Variants in TACC2 observed in about 807,000 individuals in gnomAD.
TACC2 encodes the protein transforming acidic coiled-coil containing protein 2.
A neutral mutation model predicts 227.3 loss-of-function variants in TACC2; 137 were observed. That is an observed-to-expected ratio of 0.60 (90% CI 0.52 to 0.69). The LOEUF is 0.69. TACC2 is among the 30% of genes least tolerant of loss of function. The probability of loss-of-function intolerance (pLI) is 0.00; values close to 1 mark genes in which losing one functional copy is unlikely to be tolerated. For missense variants in TACC2, 3,470 were observed against 3,694.4 expected (o/e 0.94, Z 1.57); for synonymous variants, 1,523 against 1,487.5 (o/e 1.02, Z -0.55).
intron 1 of TACC2, among the ~76,000 whole-genome samples, chr10:122,012,074 A>G (rs1335698327): frequency 2.0e-5 from 3 of 152,008 alleles, no homozygotes; most frequent in African/African-American, 7.2e-5. Context: ...AGTTTCTGGA[A>G]CTACAGGCAC....
intron 1 of TACC2, among the ~76,000 whole-genome samples, chr10:122,005,012 G>A (rs867961860): frequency 1.5e-4 from 23 of 152,218 alleles, no homozygotes; most frequent in Admixed American, 5.2e-4. Context: ...TTGGTTGGAT[G>A]AAATACATCA....
chr10:122,077,789 C>T (rs914991226), intron 3 of TACC2, among the ~76,000 whole-genome samples: 1 of 152,222 alleles, frequency 6.6e-6, no homozygotes, highest in Non-Finnish European at 1.5e-5. Context: ...TTTGCGTTAC[C>T]GGCTCTTTGA....
chr10:122,068,405 G>A (rs2077622217), intron 3 of TACC2, among the ~76,000 whole-genome samples: 2 of 152,106 alleles, frequency 1.3e-5, no homozygotes, highest in Non-Finnish European at 2.9e-5. Flanking sequence ...TTGGGTTCTG[G>A]ATATTTTCGT....
chr10:122,233,469 C>T (rs962203009), intron 16 of TACC2, among the ~76,000 whole-genome samples: 4 of 152,166 alleles, frequency 2.6e-5, no homozygotes, highest in African/African-American at 7.2e-5. Flanking sequence ...GCCCCCAGCA[C>T]GGTTGAGTGG....
At chr10:122,137,548 G>A (rs938521337) in intron 6 of TACC2, among the ~76,000 whole-genome samples, 9 of 152,144 alleles carry the variant, frequency 5.9e-5, no homozygotes, top group Admixed American at 1.3e-4. Context: ...AGTGAAATGG[G>A]ACACATCCAA....
Position 121,998,035 on chromosome 10 carries a change from G to A in TACC2, c.-46+8547G>A, listed in dbSNP as rs1296670387. ...ACTGACAAGGAAGACTCCTCGGCTG[G>A]GCACGGTGGCTCATGCCTGTAACCC... On this transcript the variant is annotated intron_variant, in intron 1 of 22. Transcript: ENST00000369005. Among the ~76,000 whole-genome samples the A allele has an allele frequency of 2.6e-5, 4 of 152,248 alleles. No homozygotes were observed. The East Asian group carries it at 5.8e-4, about 22-fold the overall frequency.
At chr10:122,208,927 G>C (rs1324748236) in intron 8 of TACC2, among the ~76,000 whole-genome samples, 2 of 152,244 alleles carry the variant, frequency 1.3e-5, no homozygotes, top group African/African-American at 2.4e-5. Context: ...GCCTGGAGCA[G>C]CTGTGACCTC....
rs2094507495 is a variant in TACC2, at chr10:122,194,619, A to T, written c.5835-421A>T. 6.6e-6 allele frequency among the ~76,000 whole-genome samples: 1 copy of T among 152,176 alleles called. No individual in the cohort carries two copies. The highest frequency in any genetic ancestry group is 2.4e-5 in the African/African-American group (1 of 41,452). On this transcript the variant is annotated intron_variant, in intron 7 of 22. Coordinates refer to ENST00000369005, the MANE Select transcript of TACC2 (RefSeq NM_206862.4). The surrounding 1 kb of genome is among the most constrained non-coding windows in gnomAD (Gnocchi z 4.4). ...TAAGTCTATACTCACAAGTTATGAG[A>T]GGCGCTGAGAAGGCAGGACAGTAGA...
chr10:122,202,041 A>G (rs1182676968), intron 8 of TACC2, among the ~76,000 whole-genome samples: 1 of 134,992 alleles, frequency 7.4e-6, no homozygotes, highest in Admixed American at 7.5e-5. Flanking sequence ...TTTAATTCAT[A>G]ATCAGTGTTT....
At position 122,050,538 on chromosome 10, in the gene TACC2, G is replaced by C; in HGVS notation, c.134G>C (p.Arg45Thr). 1 of 1,613,862 alleles carries C rather than the reference G, an allele frequency of 6.2e-7. No individual in the cohort carries two copies. The highest frequency in any genetic ancestry group is 8.5e-7 in the Non-Finnish European group (1 of 1,179,948). ...QQDTPGSPDH[R>T]DASSIGSVGL... ...GACACGCCCGGAAGCCCTGACCACA[G>C]AGACGCGTCCAGGTAGGAGGCCAGC... Residue 45 changes from arginine to threonine, a missense_variant, in exon 3 of 23, where the codon AGA becomes ACA. By Grantham distance (71) the Arg-to-Thr change is moderately conservative (BLOSUM62 -1). Around this residue, in one of 10 missense-constraint regions of TACC2, gnomAD observed 405 missense variants for 389.6 expected, o/e 1.04. Transcript: ENST00000369005. The surrounding 1 kb of genome is among the most constrained non-coding windows in gnomAD (Gnocchi z 4.6).
chr10:122,005,415 C>G (rs75695884), intron 1 of TACC2, among the ~76,000 whole-genome samples: 21,073 of 134,032 alleles, frequency 0.16, 1,884 homozygotes, highest in Admixed American at 0.24. Flanking sequence ...GAGTCTTGCT[C>G]TGTCGCCCAG....
rs1167084166 is a variant in TACC2, at chr10:122,085,948, C to A, written c.3448C>A (p.Pro1150Thr). ...DPGKQQAPEK[P>T]GEATLSCGLL... ...AGGAAAGCAGCAGGCTCCGGAGAAA[C>A]CTGGAGAAGCTACTTTGAGTTGTGG... is the stretch of plus-strand genomic sequence containing the variant. The change falls in exon 4 of 23, where the codon CCT (proline) becomes ACT (threonine). Residue 1150 changes from proline (P) to threonine (T), a missense_variant. Pro to Thr is a conservative substitution (Grantham distance 38). Coordinates refer to ENST00000369005, the MANE Select transcript of TACC2 (RefSeq NM_206862.4). The A allele has an allele frequency of 1.2e-6, 2 of 1,613,630 alleles. No individual in the cohort carries two copies. Among genetic ancestry groups the A allele is most frequent in the African/African-American group, 1.3e-5 (1 of 75,048 alleles).
At chr10:122,195,019 T>A in intron 7 of TACC2, 21 bp from the exon 8 acceptor site, 3 of 1,596,816 alleles carry the variant, frequency 1.9e-6, no homozygotes, top group Non-Finnish European at 2.6e-6. Flanking sequence ...GTCTAACCTG[T>A]GCTTCTCCCT....
chr10:122,047,939 T>C (rs2075218363), intron 2 of TACC2, among the ~76,000 whole-genome samples: 1 of 152,202 alleles, frequency 6.6e-6, no homozygotes, highest in Admixed American at 6.5e-5. Flanking sequence ...AAGCATCTTT[T>C]ATGTTTTACC....
At chr10:122,175,788 G>A (rs778503578) in intron 7 of TACC2, among the ~76,000 whole-genome samples, 19 of 152,108 alleles carry the variant, frequency 1.2e-4, no homozygotes, top group Non-Finnish European at 2.1e-4. Flanking sequence ...AAAATGGGCC[G>A]GGTACAATAG....
Position 122,194,486 on chromosome 10 carries a change from C to A in TACC2, c.5835-554C>A, listed in dbSNP as rs2094504538. ...TCCATTCACCCACTCAACACATGTTCATTCCCGGCCCTCCACTGTAGGCTT... is the reference window on the plus strand; with the variant it reads ...TCCATTCACCCACTCAACACATGTTAATTCCCGGCCCTCCACTGTAGGCTT... On this transcript the variant is annotated intron_variant, in intron 7 of 22. Transcript: ENST00000369005. This position sits in a 1 kb window ranked among gnomAD's most constrained non-coding sequence, Gnocchi z 4.4. 6.6e-6 allele frequency among the ~76,000 whole-genome samples: 1 copy of A among 152,222 alleles called. No homozygotes were observed. The highest frequency in any genetic ancestry group is 6.5e-5 in the Admixed American group (1 of 15,290).
chr10:122,177,883 C>A (rs2093797455), intron 7 of TACC2, among the ~76,000 whole-genome samples: 1 of 152,122 alleles, frequency 6.6e-6, no homozygotes, highest in African/African-American at 2.4e-5. Context: ...CATTTCATGC[C>A]TCTGAGAGGC....
At chr10:122,058,989 T>C (rs182316728) in intron 3 of TACC2, among the ~76,000 whole-genome samples, 7 of 150,270 alleles carry the variant, frequency 4.7e-5, no homozygotes, top group South Asian at 2.1e-4. Context: ...ACCTCCCGGG[T>C]TCAAGCCATT....
chr10:122,122,336 CAA>C (rs1259380712), intron 5 of TACC2, among the ~76,000 whole-genome samples: 1 of 152,044 alleles, frequency 6.6e-6, no homozygotes, highest in Non-Finnish European at 1.5e-5. Context: ...GCCGGGGCGA[CAA>C]GAATGAAACT....
Sources: allele counts gnomAD v4.1 joint callset (sites outside exome capture counted in the v4.1 genomes callset), GRCh38; gene constraint gnomAD v4.1.1; regional missense constraint gnomAD v4.1.1; non-coding constraint Gnocchi (gnomAD v3.1); transcripts MANE v1.5; gene names NCBI Gene and HGNC (gene_info 2026-07-23, HGNC 2026-07-21).